Variants in GABRG3 observed in about 807,000 individuals in gnomAD.
The protein encoded by GABRG3 is gamma-aminobutyric acid receptor subunit gamma-3.
In GABRG3, 25 loss-of-function variants were observed where a neutral mutation model predicts 48.8. The ratio of observed to expected loss-of-function variants is 0.51; its 90% CI spans 0.37 to 0.72. GABRG3 has a LOEUF of 0.72. Among genes scored for constraint, GABRG3 ranks in the 30% least tolerant of loss-of-function variants. The pLI is 0.00. For missense variants in GABRG3, 394 were observed against 577.9 expected (o/e 0.68, Z 3.26); for synonymous variants, 227 against 217.6 (o/e 1.04, Z -0.38).
intron 5 of GABRG3, among the ~76,000 whole-genome samples, chr15:27,406,718 A>G (rs1433946909): frequency 6.6e-6 from 1 of 152,166 alleles, no homozygotes; most frequent in Non-Finnish European, 1.5e-5. Flanking sequence ...GAATTCTGGA[A>G]CGTCAAGAGG....
Position 27,230,812 on chromosome 15 carries a change from G to A in GABRG3, c.271-95997G>A, listed in dbSNP as rs891459773. 4.8e-4 allele frequency among the ~76,000 whole-genome samples: 73 copies of A among 152,150 alleles called. 1 individual carries two copies. Among genetic ancestry groups the A allele is most frequent in the African/African-American group, 1.6e-3 (67 of 41,486 alleles). On this transcript the variant is annotated intron_variant, in intron 3 of 9. Transcript: ENST00000615808. ...GACTTAGCTCAGAAAAAAAAATTAAGTGTCTAAAAATAAATTTTACAAATT... is the reference window on the plus strand; with the variant it reads ...GACTTAGCTCAGAAAAAAAAATTAAATGTCTAAAAATAAATTTTACAAATT...
chr15:27,385,657 AG>A (rs1181799610), intron 5 of GABRG3, among the ~76,000 whole-genome samples: 2 of 152,100 alleles, frequency 1.3e-5, no homozygotes, highest in African/African-American at 4.8e-5. Context: ...TCTGCTGTTG[AG>A]TTCCTCCAGT....
At chr15:27,171,566 A>G (rs12898519) in intron 3 of GABRG3, among the ~76,000 whole-genome samples, 2 of 149,914 alleles carry the variant, frequency 1.3e-5, no homozygotes, top group East Asian at 3.9e-4. Flanking sequence ...GTATATGTAT[A>G]TATATATATA....
At chr15:27,265,808 T>A (rs1050706796) in intron 3 of GABRG3, among the ~76,000 whole-genome samples, 42 of 152,026 alleles carry the variant, frequency 2.8e-4, no homozygotes, top group African/African-American at 9.4e-4. Context: ...ATTGTTTTCT[T>A]TTCATGGATC....
At chr15:27,527,836 C>A in intron 8 of GABRG3, 97 bp from the exon 9 acceptor site, 1 of 1,077,044 alleles carries the variant, frequency 9.3e-7, no homozygotes, top group South Asian at 1.4e-5. Flanking sequence ...GGTGACGTGG[C>A]TTGGTTTAGT....
At chr15:27,078,585 A>G (rs1896945555) in intron 3 of GABRG3, among the ~76,000 whole-genome samples, 1 of 152,218 alleles carries the variant, frequency 6.6e-6, no homozygotes, top group Non-Finnish European at 1.5e-5. Flanking sequence ...TACCGAGGCT[A>G]TGATAGGAGA....
chr15:27,366,553 C>T (rs1299993992), intron 5 of GABRG3, among the ~76,000 whole-genome samples: 1 of 152,048 alleles, frequency 6.6e-6, no homozygotes, highest in Non-Finnish European at 1.5e-5. Context: ...TCTTTTGAGG[C>T]TCTCCTCCCA....
At chr15:27,392,906 G>C (rs974068952) in intron 5 of GABRG3, among the ~76,000 whole-genome samples, 1 of 152,140 alleles carries the variant, frequency 6.6e-6, no homozygotes, top group Non-Finnish European at 1.5e-5. Flanking sequence ...GACATACCCA[G>C]CATGATTATA....
chr15:27,009,732 G>C (rs749413564), intron 2 of GABRG3, among the ~76,000 whole-genome samples: 1 of 152,160 alleles, frequency 6.6e-6, no homozygotes, highest in Non-Finnish European at 1.5e-5. Context: ...CAGCCAGGAA[G>C]GTCTGGCCAT....
chr15:27,507,226 CCAG>C (rs1336161203), intron 6 of GABRG3, among the ~76,000 whole-genome samples: 1 of 151,960 alleles, frequency 6.6e-6, no homozygotes, highest in Non-Finnish European at 1.5e-5. Context: ...AAGTTTTGGC[CCAG>C]CACGATGGCT....
chr15:27,416,432 A>T (rs1047251441), intron 5 of GABRG3, among the ~76,000 whole-genome samples: 7 of 152,148 alleles, frequency 4.6e-5, no homozygotes, highest in African/African-American at 1.7e-4. Context: ...CTGTGTTTGA[A>T]CAGTATCTGC....
At chr15:27,479,996 C>T (rs1377301637) in intron 5 of GABRG3, among the ~76,000 whole-genome samples, 5 of 152,230 alleles carry the variant, frequency 3.3e-5, no homozygotes, top group African/African-American at 7.2e-5. Context: ...GCCCTGGTGA[C>T]AGTGCCCGCA....
chr15:27,340,857 A>G (rs376282272), intron 5 of GABRG3: 93 of 305,288 alleles, frequency 3.0e-4, no homozygotes, highest in South Asian at 2.5e-3. Flanking sequence ...TGCTAAGAAG[A>G]AAAAAGTCCT....
chr15:27,500,708 A>C (rs1010263066), intron 6 of GABRG3, among the ~76,000 whole-genome samples: 1 of 152,124 alleles, frequency 6.6e-6, no homozygotes, highest in Non-Finnish European at 1.5e-5. Flanking sequence ...TTTAGGATAC[A>C]TTCCCCTGTT....
intron 3 of GABRG3, among the ~76,000 whole-genome samples, chr15:27,072,119 C>T (rs1162247437): frequency 2.0e-5 from 3 of 152,216 alleles, no homozygotes; most frequent in Admixed American, 6.5e-5. Flanking sequence ...ATCATGCTTT[C>T]GTAATGACAG....
At chr15:27,056,111 A>C (rs943871863) in intron 3 of GABRG3, among the ~76,000 whole-genome samples, 4 of 152,058 alleles carry the variant, frequency 2.6e-5, no homozygotes, top group African/African-American at 9.7e-5. Context: ...GCACTTTGGG[A>C]GGCTGAGGTG....
chr15:27,340,807 G>A (rs969821559), intron 5 of GABRG3: 1 of 222,352 alleles, frequency 4.5e-6, no homozygotes. Flanking sequence ...ACAAACCCTG[G>A]AGAGTATACA....
chr15:27,350,937 G>A (rs868843676), intron 5 of GABRG3, among the ~76,000 whole-genome samples: 15 of 150,676 alleles, frequency 1.0e-4, no homozygotes, highest in Admixed American at 1.3e-4. Context: ...TGTGTGTATC[G>A]TGTGTGTATG....
At chr15:27,127,184 A>G (rs1897835360) in intron 3 of GABRG3, among the ~76,000 whole-genome samples, 1 of 152,124 alleles carries the variant, frequency 6.6e-6, no homozygotes, top group Non-Finnish European at 1.5e-5. Flanking sequence ...GTTCACAGTA[A>G]TTAAAACTTG....
Sources: allele counts gnomAD v4.1 joint callset (sites outside exome capture counted in the v4.1 genomes callset), GRCh38; gene constraint gnomAD v4.1.1; transcripts MANE v1.5; gene names NCBI Gene and HGNC (gene_info 2026-07-23, HGNC 2026-07-21).